KAT2A: variants seen among roughly 807,000 people sequenced by gnomAD.
KAT2A encodes the protein lysine acetyltransferase 2A.
In KAT2A, 42 loss-of-function variants were observed where a neutral mutation model predicts 95.2. The ratio of observed to expected loss-of-function variants is 0.44; its 90% CI spans 0.34 to 0.57. The LOEUF is 0.57. KAT2A is among the 20% of genes least tolerant of loss of function. The pLI, the probability that KAT2A is intolerant of heterozygous loss-of-function variation, is 0.01. For missense variants in KAT2A, 784 were observed against 1,126.3 expected (o/e 0.70, Z 4.35); for synonymous variants, 449 against 448.2 (o/e 1.00, Z -0.02).
At position 42,118,385 on chromosome 17, in the gene KAT2A, C is replaced by T. The variant is rs781857854; in HGVS notation, c.1092G>A (p.Glu364=). 10 of 1,611,948 alleles carry T rather than the reference C, an allele frequency of 6.2e-6. No homozygotes were observed. The highest frequency in any genetic ancestry group is 1.6e-4 in the Middle Eastern group (1 of 6,078). Residue 364 remains glutamate (E), a synonymous_variant, in exon 7 of 18, where the codon GAG becomes GAA. Transcript: ENST00000225916. ...GAGAGTTTGCCCCATAGATCTCCTCCTCCAGCATGGACAGGAATCTGTAGG... is the reference window on the plus strand; with the variant it reads ...GAGAGTTTGCCCCATAGATCTCCTCTTCCAGCATGGACAGGAATCTGTAGG... ...THFPKFLSML[E]EEIYGANSPI... is the part of the protein sequence containing the mutation.
In KAT2A at chr17:42,117,427, C is replaced by A; in HGVS notation, c.1598G>T (p.Arg533Leu). ...LQNVFSHQLP[R>L]MPKEYIARLV... ...GCGGGCGATATACTCCTTAGGCATG[C>A]GCGGCAGCTGGTGGGAAAAGACATT... The change falls in exon 10 of 18, where the codon CGC becomes CTC. Residue 533 changes from arginine (R) to leucine (L), a missense_variant. Physicochemically the swap from Arg to Leu is moderately radical, Grantham distance 102 (BLOSUM62 -2). Coordinates refer to ENST00000225916, the MANE Select transcript of KAT2A (RefSeq NM_021078.3). This position sits in a 1 kb window ranked among gnomAD's most constrained non-coding sequence, Gnocchi z 8.9. 1 of 1,613,456 alleles carries A rather than the reference C, an allele frequency of 6.2e-7. No individual in the cohort carries two copies. Among genetic ancestry groups the A allele is most frequent in the Non-Finnish European group, 8.5e-7 (1 of 1,179,926 alleles).
At chr17:42,118,456 G>A in intron 6 of KAT2A, 53 bp from the exon 7 acceptor site, 1 of 1,312,716 alleles carries the variant, frequency 7.6e-7, no homozygotes, top group Non-Finnish European at 1.1e-6. Context: ...GGTGCAGCCT[G>A]GGCCAGGCAG....
chr17:42,119,019 G>A lies in KAT2A; in HGVS notation c.1073+226C>T. On this transcript the variant is annotated intron_variant, in intron 6 of 17. Transcript: ENST00000225916. The surrounding 1 kb of genome is among the most constrained non-coding windows in gnomAD (Gnocchi z 5.3). ...TTAGTAACATCTACTGGGGCGTAGG[G>A]TCGGGTGGGGGCAGCGTTAGCTTGG... The A allele has an allele frequency of 7.3e-7, 1 of 1,368,574 alleles. No homozygotes were observed. Among genetic ancestry groups the A allele is most frequent in the Non-Finnish European group, 9.4e-7 (1 of 1,063,396 alleles). 84.8% of individuals were successfully genotyped at this position (1,368,574 alleles called of 1,614,324 possible).
chr17:42,115,504 A>ACCCCCAGTTCCTCCGGCCTGCTCTACTGG (rs2054245079), intron 12 of KAT2A, among the ~76,000 whole-genome samples: 1 of 70,006 alleles, frequency 1.4e-5, no homozygotes, highest in Non-Finnish European at 2.7e-5. Context: ...TGCTCTACTG[A>ACCCCCAGTTCCTCCGGCCTGCTCTACTGG]CCCCCAGTTC....
chr17:42,119,239 C>A lies in KAT2A; in HGVS notation c.1073+6G>T. 1 of 1,596,546 alleles carries A rather than the reference C, an allele frequency of 6.3e-7. No individual in the cohort carries two copies. The highest frequency in any genetic ancestry group is 1.1e-5 in the South Asian group (1 of 89,508). Reference sequence around the variant, plus strand: ...CCAAATCCTGGTAGGCCAGAAGGAGCCTTACTTGGGGAAGTGAGTGAGGAT... The same window carrying A: ...CCAAATCCTGGTAGGCCAGAAGGAGACTTACTTGGGGAAGTGAGTGAGGAT... On this transcript the variant is annotated splice_donor_region_variant and intron_variant, in intron 6 of 17. Coordinates refer to ENST00000225916, the MANE Select transcript of KAT2A (RefSeq NM_021078.3). The surrounding 1 kb of genome is among the most constrained non-coding windows in gnomAD (Gnocchi z 5.3).
At position 42,119,774 on chromosome 17, in the gene KAT2A, G is replaced by A; in HGVS notation, c.700-56C>T. On this transcript the variant is annotated intron_variant, in intron 4 of 17. Coordinates refer to ENST00000225916, the MANE Select transcript of KAT2A (RefSeq NM_021078.3). This position sits in a 1 kb window ranked among gnomAD's most constrained non-coding sequence, Gnocchi z 5.3. ...GGAATGAGGTGTGAGCAGCCCGCAG[G>A]GCCTTCTTAGACAAAGGAAGATGCT... 1 of 1,440,092 alleles carries A rather than the reference G, an allele frequency of 6.9e-7. No homozygotes were observed. The highest frequency in any genetic ancestry group is 1.3e-5 in the South Asian group (1 of 75,134). The allele number at this position is 1,440,092 out of a possible 1,614,324, so 89.2% of individuals were successfully genotyped here. A position where few individuals can be genotyped will look rare whatever the true frequency, so the allele number is the denominator to read the frequency against.
intron 12 of KAT2A, 27 bp downstream of exon 12, chr17:42,115,695 AC>A (rs2054247816): frequency 7.1e-7 from 1 of 1,399,576 alleles, no homozygotes; most frequent in Non-Finnish European, 1.0e-6. Flanking sequence ...CAGGCAAAGG[AC>A]CGGTGTGGGA....
rs1156931318 is a variant in KAT2A, at chr17:42,121,192, G to A, written c.113C>T (p.Pro38Leu). ...TGGTGCCGGGGTGGGAGTCGGAATC[G>A]GGGCTGAAGCCGGGCTGGGTGCAGG... ...PTPAPSPASA[P>L]IPTPTPAPAP... Residue 38 changes from proline (P) to leucine (L), a missense_variant, in exon 1 of 18, where the codon CCG (proline) becomes CTG (leucine). Physicochemically the swap from Pro to Leu is moderately conservative, Grantham distance 98. Coordinates refer to ENST00000225916, the MANE Select transcript of KAT2A (RefSeq NM_021078.3). The A allele has an allele frequency of 1.5e-6, 2 of 1,373,652 alleles. No individual in the cohort carries two copies. The highest frequency in any genetic ancestry group is 1.9e-6 in the Non-Finnish European group (2 of 1,034,728). 85.1% of individuals were successfully genotyped at this position (1,373,652 alleles called of 1,614,324 possible).
At position 42,113,818 on chromosome 17, in the gene KAT2A, AGCCG is replaced by A; in HGVS notation, c.2341_2344del (p.Arg781CysfsTer7). The A allele has an allele frequency of 6.3e-7, 1 of 1,598,920 alleles. No homozygotes were observed. The highest frequency in any genetic ancestry group is 1.1e-5 in the South Asian group (1 of 89,638). On this transcript the variant is annotated frameshift_variant, in exon 18 of 18. Transcript: ENST00000225916. LOFTEE classifies it high-confidence loss of function. The stretch of plus-strand genomic sequence containing the variant: ...CCGGGTCACGTAGTAGCGGCTTCGC[AGCCG>A]CTCAGTCATGGTCTTCAGGTCTGGG...
chr17:42,120,024 T>C lies in KAT2A; in HGVS notation c.699+6A>G, dbSNP rs1555666949. 1 of 1,611,082 alleles carries C rather than the reference T, an allele frequency of 6.2e-7. No homozygotes were observed. The highest frequency in any genetic ancestry group is 1.3e-5 in the African/African-American group (1 of 74,952). On this transcript the variant is annotated splice_donor_region_variant and intron_variant, in intron 4 of 17. Coordinates refer to ENST00000225916, the MANE Select transcript of KAT2A (RefSeq NM_021078.3). Reference sequence around the variant, plus strand: ...CTATCCGCTATCTCCAATTCCCCTATCTCACCTGCTCAATATTAGGTTTCT... The same window carrying C: ...CTATCCGCTATCTCCAATTCCCCTACCTCACCTGCTCAATATTAGGTTTCT...
chr17:42,115,091 CG>C, intron 12 of KAT2A, 56 bp from the exon 13 acceptor site: 1 of 1,576,654 alleles, frequency 6.3e-7, no homozygotes, highest in Non-Finnish European at 8.6e-7. Context: ...CAACTTCTGT[CG>C]TCCCTCACCT....
Position 42,119,688 on chromosome 17 carries a change from T to C in KAT2A, c.730A>G (p.Ser244Gly). 1.9e-6 allele frequency: 3 copies of C among 1,611,732 alleles called. No individual in the cohort carries two copies. Among genetic ancestry groups the C allele is most frequent in the Non-Finnish European group, 2.5e-6 (3 of 1,178,776 alleles). The change falls in exon 5 of 18, where the codon AGT becomes GGT. Residue 244 changes from serine to glycine, a missense_variant. Coordinates refer to ENST00000225916, the MANE Select transcript of KAT2A (RefSeq NM_021078.3). The surrounding 1 kb of genome is among the most constrained non-coding windows in gnomAD (Gnocchi z 5.3). Reference sequence around the variant, plus strand: ...TGCCGCTCCCGGGGAGCCAGGTGACTAAACTTGTACTGCACAAAGTTCAGC... The same window carrying C: ...TGCCGCTCCCGGGGAGCCAGGTGACCAAACTTGTACTGCACAAAGTTCAGC... ...GVLNFVQYKF[S>G]HLAPRERQTM...
chr17:42,119,826 C>A lies in KAT2A; in HGVS notation c.700-108G>T. 9.5e-7 allele frequency: 1 copy of A among 1,051,514 alleles called. No homozygotes were observed. Among genetic ancestry groups the A allele is most frequent in the Non-Finnish European group, 1.4e-6 (1 of 725,786 alleles). 65.1% of individuals were successfully genotyped at this position (1,051,514 alleles called of 1,614,324 possible). Reference sequence around the variant, plus strand: ...CCTGGCCAGGGACAAGGTTCTCCTTCTCCTCTCTCTCTCGGGTGCTCTCTA... The same window carrying A: ...CCTGGCCAGGGACAAGGTTCTCCTTATCCTCTCTCTCTCGGGTGCTCTCTA... On this transcript the variant is annotated intron_variant, in intron 4 of 17. Transcript: ENST00000225916. This position sits in a 1 kb window ranked among gnomAD's most constrained non-coding sequence, Gnocchi z 5.3.
Position 42,114,394 on chromosome 17 carries a change from C to T in KAT2A, c.2135G>A (p.Arg712Gln). 6.2e-7 allele frequency: 1 copy of T among 1,614,054 alleles called. No homozygotes were observed. The highest frequency in any genetic ancestry group is 8.5e-7 in the Non-Finnish European group (1 of 1,179,956). ...CCCCAATGGCTTCCAGCCTGTCTCT[C>T]CTGCAAAGTGGGAAGTGGGAGAATG... Reference protein sequence around the residue: ...QIPVESVPGIRETGWKPLGKE... With the variant: ...QIPVESVPGIQETGWKPLGKE... Residue 712 changes from arginine to glutamine, a missense_variant and splice_region_variant, in exon 15 of 18, where the codon CGA (arginine) becomes CAA (glutamine). Coordinates refer to ENST00000225916, the MANE Select transcript of KAT2A (RefSeq NM_021078.3). This position sits in a 1 kb window ranked among gnomAD's most constrained non-coding sequence, Gnocchi z 6.0.
chr17:42,120,595 TC>T, intron 2 of KAT2A, 110 bp downstream of exon 2: 1 of 1,209,110 alleles, frequency 8.3e-7, no homozygotes, highest in Non-Finnish European at 1.2e-6. Context: ...ACCCAATCCC[TC>T]CTTCGAGGCA....
In KAT2A at chr17:42,121,210, G is replaced by T; in HGVS notation, c.95C>A (p.Pro32His). The T allele has an allele frequency of 1.5e-6, 2 of 1,343,756 alleles. No homozygotes were observed. The highest frequency in any genetic ancestry group is 1.5e-5 in the African/African-American group (1 of 66,570). The allele number at this position is 1,343,756 out of a possible 1,614,324, so 83.2% of individuals were successfully genotyped here. Reference sequence around the variant, plus strand: ...CGGAATCGGGGCTGAAGCCGGGCTGGGTGCAGGAGTCGGAGTTGGGGCAGG... The same window carrying T: ...CGGAATCGGGGCTGAAGCCGGGCTGTGTGCAGGAGTCGGAGTTGGGGCAGG... Reference protein sequence around the residue: ...PAPAPTPTPAPSPASAPIPTP... With the variant: ...PAPAPTPTPAHSPASAPIPTP... The change falls in exon 1 of 18, where the codon CCC becomes CAC. Residue 32 changes from proline (P) to histidine (H), a missense_variant. Physicochemically the swap from Pro to His is moderately conservative, Grantham distance 77. This residue lies in a region of KAT2A where 142 missense variants were observed against 123.2 expected (regional missense o/e 1.15). Transcript: ENST00000225916.
At position 42,119,689 on chromosome 17, in the gene KAT2A, A is replaced by G; in HGVS notation, c.729T>C (p.Phe243=). The change falls in exon 5 of 18, where the codon TTT becomes TTC. Residue 243 remains phenylalanine (F), a synonymous_variant. Coordinates refer to ENST00000225916, the MANE Select transcript of KAT2A (RefSeq NM_021078.3). The surrounding 1 kb of genome is among the most constrained non-coding windows in gnomAD (Gnocchi z 5.3). ...GCCGCTCCCGGGGAGCCAGGTGACT[A>G]AACTTGTACTGCACAAAGTTCAGCA... is the stretch of plus-strand genomic sequence containing the variant. ...QGVLNFVQYK[F]SHLAPRERQT... is the part of the protein sequence containing the mutation. 1 of 1,611,436 alleles carries G rather than the reference A, an allele frequency of 6.2e-7. No homozygotes were observed.
At position 42,117,595 on chromosome 17, in the gene KAT2A, G is replaced by T. The variant is rs1555666268; in HGVS notation, c.1430C>A (p.Thr477Lys). The T allele has an allele frequency of 6.2e-7, 1 of 1,611,880 alleles. No individual in the cohort carries two copies. Residue 477 changes from threonine to lysine, a missense_variant and splice_region_variant, in exon 10 of 18, where the codon ACG (threonine) becomes AAG (lysine). Physicochemically the swap from Thr to Lys is moderately conservative, Grantham distance 78 (BLOSUM62 -1). Coordinates refer to ENST00000225916, the MANE Select transcript of KAT2A (RefSeq NM_021078.3). The surrounding 1 kb of genome is among the most constrained non-coding windows in gnomAD (Gnocchi z 8.9). The part of the protein sequence containing the change: ...TDPAAMLGPE[T>K]SLLSANAARD... ...GGCCGCATTGGCCGAAAGCAGGCTC[G>T]TCTGGGCACAGAAGAGGGGTGGTGA...
At position 42,115,792 on chromosome 17, in the gene KAT2A, G is replaced by C. The variant is rs782774578; in HGVS notation, c.1806C>G (p.His602Gln). ...GGAAGTAGAGAATGTTGTGCTTGATGTGATACTCCTTCAGGTGGTTCATCA... is the reference window on the plus strand; with the variant it reads ...GGAAGTAGAGAATGTTGTGCTTGATCTGATACTCCTTCAGGTGGTTCATCA... ...THLMNHLKEY[H>Q]IKHNILYFLT... Residue 602 changes from histidine to glutamine, a missense_variant, in exon 12 of 18, where the codon CAC (histidine) becomes CAG (glutamine). His to Gln is a conservative substitution (Grantham distance 24, BLOSUM62 0). Around this residue, in one of 6 missense-constraint regions of KAT2A, gnomAD observed 174 missense variants for 324.9 expected, o/e 0.54. Coordinates refer to ENST00000225916, the MANE Select transcript of KAT2A (RefSeq NM_021078.3). The C allele has an allele frequency of 3.1e-6, 5 of 1,613,714 alleles. No homozygotes were observed. The South Asian group carries it at 5.5e-5, about 18-fold the overall frequency.
Sources: gnomAD v4.1 joint callset for allele counts (sites outside exome capture counted in the v4.1 genomes callset) on GRCh38, gnomAD v4.1.1 for gene constraint, gnomAD v4.1.1 regional missense constraint, Gnocchi (gnomAD v3.1) non-coding constraint, MANE v1.5 for transcripts, NCBI Gene and HGNC (gene_info 2026-07-23, HGNC 2026-07-21) for gene names.